Variants in MUC7 observed in about 807,000 individuals in gnomAD.
MUC7 encodes mucin 7, secreted.
In MUC7, 2 loss-of-function variants were observed where a neutral mutation model predicts 2.5. The observed-to-expected ratio is 0.81, with a 90% CI of 0.33 to 2.55. MUC7 has a LOEUF of 2.55. Among genes scored for constraint, MUC7 ranks in the 30% most tolerant of loss-of-function variants. MUC7 has a pLI of 0.11. For synonymous variants in MUC7, 133 were observed against 173.4 expected (o/e 0.77, Z 1.83); for missense variants, 408 against 455.6 (o/e 0.90, Z 0.95).
At chr4:70,454,228 G>T (rs1734360974) in intron 1 of MUC7, among the ~76,000 whole-genome samples, 1 of 152,156 alleles carries the variant, frequency 6.6e-6, no homozygotes, top group Non-Finnish European at 1.5e-5. Context: ...CCTAGAAATT[G>T]CAGCTTCTGT....
intron 1 of MUC7, among the ~76,000 whole-genome samples, chr4:70,450,620 C>T (rs1219428774): frequency 6.6e-6 from 1 of 152,222 alleles, no homozygotes; most frequent in African/African-American, 2.4e-5. Flanking sequence ...TTGGCTATCA[C>T]TACTAGTTAT....
chr4:70,435,033 A>G (rs1733791067), intron 1 of MUC7, among the ~76,000 whole-genome samples: 1 of 152,054 alleles, frequency 6.6e-6, no homozygotes, highest in South Asian at 2.1e-4. Flanking sequence ...GAGTTTCTTA[A>G]TCCTGAGTTC....
chr4:70,432,462 G>A (rs539324978), intron 1 of MUC7, among the ~76,000 whole-genome samples: 2 of 152,134 alleles, frequency 1.3e-5, no homozygotes, highest in African/African-American at 4.8e-5. Flanking sequence ...GATGGTATCT[G>A]GTTGTGGTTT....
intron 1 of MUC7, 132 bp from the exon 2 acceptor site, chr4:70,473,875 G>A: frequency 8.1e-6 from 5 of 619,964 alleles, no homozygotes; most frequent in South Asian, 5.1e-5. Context: ...GAATGAAAAT[G>A]TATACATAAT....
chr4:70,446,294 T>G (rs1734132802), intron 1 of MUC7, among the ~76,000 whole-genome samples: 1 of 152,240 alleles, frequency 6.6e-6, no homozygotes, highest in Non-Finnish European at 1.5e-5. Context: ...TTTGTAATAA[T>G]GCATGCACAT....
chr4:70,457,734 T>C (rs1400511679), intron 1 of MUC7, among the ~76,000 whole-genome samples: 1 of 151,982 alleles, frequency 6.6e-6, no homozygotes, highest in African/African-American at 2.4e-5. Flanking sequence ...CAAATTTAAA[T>C]AGAAAGAAGG....
At chr4:70,444,924 C>T (rs62322544) in intron 1 of MUC7, among the ~76,000 whole-genome samples, 23,271 of 151,974 alleles carry the variant, frequency 0.15, 1,914 homozygotes, top group Middle Eastern at 0.25. Context: ...TGGGGGCATG[C>T]GCCTGTAGTT....
intron 1 of MUC7, among the ~76,000 whole-genome samples, chr4:70,460,900 C>T (rs943128493): frequency 6.6e-6 from 1 of 152,202 alleles, no homozygotes; most frequent in African/African-American, 2.4e-5. Flanking sequence ...GTGTGAGGGA[C>T]TCAGTGCAAG....
chr4:70,433,367 G>T lies in MUC7; in HGVS notation c.-93+2680G>T, dbSNP rs142109769. ...TTGATTCTTCCTACCCATGAGCATG[G>T]AAATTTCTTCCATTTGTTTGTGTCC... On this transcript the variant is annotated intron_variant, in intron 1 of 3. Coordinates refer to the MUC7 transcript ENST00000413702. Among the ~76,000 whole-genome samples, 1,094 of 152,250 alleles carry T rather than the reference G, an allele frequency of 7.2e-3. 11 individuals are homozygous for T. Among genetic ancestry groups the T allele is most frequent in the African/African-American group, 0.025 (1,044 of 41,544 alleles).
chr4:70,463,455 A>AT (rs553345061), intron 1 of MUC7, among the ~76,000 whole-genome samples: 147 of 152,270 alleles, frequency 9.7e-4, no homozygotes, highest in African/African-American at 3.3e-3. Flanking sequence ...AGTTTCTATT[A>AT]TTTTTTCACT....
rs140175817 is a variant in MUC7, at chr4:70,451,733, C to G, written c.-92-20482C>G. 2.4e-3 allele frequency among the ~76,000 whole-genome samples: 362 copies of G among 152,178 alleles called. 4 individuals are homozygous for G. Among genetic ancestry groups the G allele is most frequent in the African/African-American group, 8.4e-3 (347 of 41,534 alleles). On this transcript the variant is annotated intron_variant, in intron 1 of 3. Coordinates refer to the MUC7 transcript ENST00000413702. The stretch of plus-strand genomic sequence containing the variant: ...TGTGCTCAGGAGAAGAATGTGTTTT[C>G]TTCAGCCACTGAATTAAATATTCTG...
At chr4:70,460,117 A>G (rs1457925311) in intron 1 of MUC7, among the ~76,000 whole-genome samples, 2 of 152,132 alleles carry the variant, frequency 1.3e-5, no homozygotes, top group African/African-American at 4.8e-5. Context: ...AAAATATCAC[A>G]CTAGATCCTT....
intron 1 of MUC7, among the ~76,000 whole-genome samples, chr4:70,454,767 C>T (rs1734374023): frequency 3.3e-5 from 5 of 152,158 alleles, no homozygotes; most frequent in Admixed American, 3.3e-4. Context: ...TTTATTCTTC[C>T]CAGAAACCCA....
At chr4:70,432,222 C>G (rs11729595) in intron 1 of MUC7, among the ~76,000 whole-genome samples, 36 of 152,200 alleles carry the variant, frequency 2.4e-4, no homozygotes, top group Middle Eastern at 3.4e-3. Flanking sequence ...GTGCATGTGT[C>G]TTTATAGCAG....
At chr4:70,437,434 GC>G (rs78321231) in intron 1 of MUC7, among the ~76,000 whole-genome samples, 10,742 of 152,212 alleles carry the variant, frequency 0.071, 581 homozygotes, top group East Asian at 0.21. Context: ...AATGGCAAAT[GC>G]CCCTCCCCCC....
At chr4:70,430,880 CA>C (rs1006664203) in intron 1 of MUC7, among the ~76,000 whole-genome samples, 5 of 152,058 alleles carry the variant, frequency 3.3e-5, no homozygotes, top group Non-Finnish European at 5.9e-5. Flanking sequence ...AACAGTATGA[CA>C]AAAAATTCAT....
intron 1 of MUC7, among the ~76,000 whole-genome samples, chr4:70,460,330 G>T (rs906717675): frequency 6.6e-6 from 1 of 152,202 alleles, no homozygotes; most frequent in Admixed American, 6.5e-5. Flanking sequence ...ATCAAGGATG[G>T]TTCCATAAAC....
intron 2 of MUC7, among the ~76,000 whole-genome samples, chr4:70,474,964 G>T (rs1280713103): frequency 6.6e-6 from 1 of 152,110 alleles, no homozygotes; most frequent in Non-Finnish European, 1.5e-5. Flanking sequence ...TCTTCTGCTG[G>T]ATTGTATATG....
intron 2 of MUC7, 116 bp from the exon 3 acceptor site, chr4:70,480,683 C>G: frequency 1.9e-6 from 2 of 1,058,434 alleles, no homozygotes; most frequent in South Asian, 3.3e-5. Flanking sequence ...CAATAATGTA[C>G]TCTGGTTTCT....
Sources: gnomAD v4.1 joint callset for allele counts (sites outside exome capture counted in the v4.1 genomes callset) on GRCh38, gnomAD v4.1.1 for gene constraint, MANE v1.5 for transcripts, NCBI Gene and HGNC (gene_info 2026-07-23, HGNC 2026-07-21) for gene names.